The following FAM185A variants were observed in gnomAD, a reference collection of about 807,000 sequenced individuals.
FAM185A encodes family with sequence similarity 185 member A, also known as protein FAM185A.
In FAM185A, 21 loss-of-function variants were observed where a neutral mutation model predicts 45.7. The ratio of observed to expected loss-of-function variants is 0.46; its 90% CI spans 0.33 to 0.66. The LOEUF (loss-of-function observed/expected upper bound fraction) is 0.66, where lower values mean the gene tolerates loss of function less well. Ranked by LOEUF, FAM185A falls within the 30% of genes least tolerant of loss-of-function variation. FAM185A has a pLI of 0.03. For missense variants in FAM185A, 305 were observed against 485.4 expected, an observed-to-expected ratio of 0.63 and a Z score of 3.49; for synonymous variants, 117 against 194.0, an observed-to-expected ratio of 0.60 and a Z score of 3.30.
the FAM185A span, chr7:102,833,072 A>ATG: frequency 1.5e-6 from 2 of 1,310,712 alleles, no homozygotes; most frequent in Non-Finnish European, 1.0e-6. Context: ...AGTCCCTGAA[A>ATG]TACAGATGTT....
At chr7:102,788,804 C>G (rs1795978990) in intron 7 of FAM185A, among the ~76,000 whole-genome samples, 1 of 152,190 alleles carries the variant, frequency 6.6e-6, no homozygotes, top group Non-Finnish European at 1.5e-5. Context: ...TATTCCTAGG[C>G]TACACCCTGT....
At position 102,772,392 on chromosome 7, in the gene FAM185A, CTT is replaced by C. The variant is rs1794804174; in HGVS notation, c.794-13_794-12del. 6.6e-7 allele frequency: 1 copy of C among 1,523,190 alleles called. No individual in the cohort carries two copies. Among genetic ancestry groups the C allele is most frequent in the East Asian group, 2.5e-5 (1 of 40,116 alleles). 94.4% of individuals were successfully genotyped at this position (1,523,190 alleles called of 1,614,324 possible). ...GATTGTCTCTAGTACATAAAAGTAT[CTT>C]TTTCTTTTTGGCAGGTAATATAACA... On this transcript the variant is annotated splice_polypyrimidine_tract_variant and intron_variant, in intron 4 of 7. Transcript: ENST00000413034.
intron 7 of FAM185A, among the ~76,000 whole-genome samples, chr7:102,787,744 C>T (rs979380442): frequency 2.0e-5 from 3 of 152,130 alleles, no homozygotes; most frequent in Non-Finnish European, 4.4e-5. Flanking sequence ...TTCTAATTCT[C>T]GAACTTAAAA....
the FAM185A span, among the ~76,000 whole-genome samples, chr7:102,819,194 C>G: frequency 6.6e-6 from 1 of 152,172 alleles, no homozygotes; most frequent in Admixed American, 6.6e-5. Context: ...ACCTTGTTGC[C>G]TTTCCCCACA....
At chr7:102,831,468 T>C in the FAM185A span, among the ~76,000 whole-genome samples, 1 of 151,490 alleles carries the variant, frequency 6.6e-6, no homozygotes, top group Non-Finnish European at 1.5e-5. Flanking sequence ...AAAATATGAA[T>C]AGTGTCAGGG....
the FAM185A span, among the ~76,000 whole-genome samples, chr7:102,850,647 CT>C: frequency 2.0e-5 from 3 of 152,138 alleles, no homozygotes; most frequent in East Asian, 3.8e-4. Flanking sequence ...AATCTTTCAA[CT>C]TTTTGTCTTA....
chr7:102,829,319 C>A, the FAM185A span, among the ~76,000 whole-genome samples: 1 of 152,328 alleles, frequency 6.6e-6, no homozygotes, highest in African/African-American at 2.4e-5. Flanking sequence ...TCTCACCAGA[C>A]TCAGACAAGT....
At chr7:102,767,134 C>CT (rs56733214) in intron 4 of FAM185A, among the ~76,000 whole-genome samples, 92,847 of 139,648 alleles carry the variant, frequency 0.66, 32,917 homozygotes, top group Middle Eastern at 0.82. Flanking sequence ...AGAATTACAG[C>CT]TTTTTTTTTT....
chr7:102,778,964 T>A (rs1795241341), intron 6 of FAM185A, among the ~76,000 whole-genome samples: 1 of 152,166 alleles, frequency 6.6e-6, no homozygotes, highest in African/African-American at 2.4e-5. Flanking sequence ...TGTGGAAAAA[T>A]ATATAATGCT....
chr7:102,843,801 T>A, the FAM185A span, among the ~76,000 whole-genome samples: 1 of 151,960 alleles, frequency 6.6e-6, no homozygotes, highest in African/African-American at 2.4e-5. Context: ...ATAATAAAAA[T>A]TTAAAAATCC....
intron 1 of FAM185A, 100 bp downstream of exon 1, chr7:102,749,758 A>G: frequency 1.4e-6 from 2 of 1,464,750 alleles, no homozygotes; most frequent in African/African-American, 1.4e-5. Context: ...CTGGCTCTCT[A>G]AACCTAATTT....
chr7:102,783,655 TCTCTGGTATG>T (rs1041408383), intron 6 of FAM185A, among the ~76,000 whole-genome samples: 2 of 151,886 alleles, frequency 1.3e-5, no homozygotes, highest in Non-Finnish European at 2.9e-5. Flanking sequence ...GATACCAGAA[TCTCTGGTATG>T]CTCTGGTATG....
intron 6 of FAM185A, among the ~76,000 whole-genome samples, chr7:102,779,238 C>A (rs1795262140): frequency 6.6e-6 from 1 of 152,008 alleles, no homozygotes; most frequent in South Asian, 2.1e-4. Context: ...CAACAAGAGC[C>A]CTCCTTTCTA....
At chr7:102,780,171 T>C (rs1166697456) in intron 6 of FAM185A, among the ~76,000 whole-genome samples, 1 of 152,098 alleles carries the variant, frequency 6.6e-6, no homozygotes, top group African/African-American at 2.4e-5. Context: ...GTTAGCCAGA[T>C]TGGAAGGAAA....
intron 1 of FAM185A, among the ~76,000 whole-genome samples, chr7:102,750,720 G>T (rs2129431271): frequency 6.6e-6 from 1 of 152,236 alleles, no homozygotes; most frequent in African/African-American, 2.4e-5. Flanking sequence ...TACTTTAAGA[G>T]AAATCATCAA....
intron 1 of FAM185A, among the ~76,000 whole-genome samples, 195 bp downstream of exon 1, chr7:102,749,853 A>G (rs1793251960): frequency 6.6e-6 from 1 of 152,244 alleles, no homozygotes; most frequent in Admixed American, 6.5e-5. Context: ...GTTCCCAATT[A>G]TAGAAATTTT....
At chr7:102,830,647 T>C in the FAM185A span, among the ~76,000 whole-genome samples, 2 of 152,222 alleles carry the variant, frequency 1.3e-5, no homozygotes, top group Non-Finnish European at 2.9e-5. Flanking sequence ...CTCCTTTTTA[T>C]TGCAGCACAA....
At chr7:102,816,764 T>C in the FAM185A span, among the ~76,000 whole-genome samples, 4 of 152,340 alleles carry the variant, frequency 2.6e-5, no homozygotes, top group African/African-American at 9.6e-5. Context: ...CTCGCCATCC[T>C]CCCTGCCTCC....
At chr7:102,849,154 A>G in the FAM185A span, among the ~76,000 whole-genome samples, 1 of 152,212 alleles carries the variant, frequency 6.6e-6, no homozygotes, top group Non-Finnish European at 1.5e-5. Context: ...AACTGACCTC[A>G]TAAAATCCTC....
Sources: allele counts gnomAD v4.1 joint callset (sites outside exome capture counted in the v4.1 genomes callset), GRCh38; gene constraint gnomAD v4.1.1; transcripts MANE v1.5; gene names NCBI Gene and HGNC (gene_info 2026-07-23, HGNC 2026-07-21).